The following MACROD2 variants were observed in gnomAD, a reference collection of about 807,000 sequenced individuals.
MACROD2 encodes ADP-ribose glycohydrolase MACROD2.
In MACROD2, 36 loss-of-function variants were observed where a neutral mutation model predicts 70.4. The ratio of observed to expected loss-of-function variants is 0.51; its 90% CI spans 0.39 to 0.68. The LOEUF (loss-of-function observed/expected upper bound fraction) is 0.68. Among genes scored for constraint, MACROD2 ranks in the 30% least tolerant of loss-of-function variants. MACROD2 has a pLI of 0.00. For synonymous variants in MACROD2, 172 were observed against 178.8 expected (o/e 0.96, Z 0.30); for missense variants, 496 against 538.4 (o/e 0.92, Z 0.78).
intron 2 of MACROD2, among the ~76,000 whole-genome samples, chr20:14,040,111 C>A (rs537035718): frequency 1.2e-4 from 18 of 152,164 alleles, no homozygotes; most frequent in Non-Finnish European, 2.6e-4. Context: ...GTGTTGCCAA[C>A]AACAGGGATA....
chr20:15,998,040 G>A (rs1176182042), intron 15 of MACROD2, among the ~76,000 whole-genome samples: 2 of 152,142 alleles, frequency 1.3e-5, no homozygotes, highest in African/African-American at 4.8e-5. Flanking sequence ...AATTCCAGGT[G>A]TAAATCCCTC....
At chr20:15,032,263 T>C (rs6034089) in intron 5 of MACROD2, among the ~76,000 whole-genome samples, 17,718 of 152,190 alleles carry the variant, frequency 0.12, 2,846 homozygotes, top group African/African-American at 0.37. Flanking sequence ...CAGCTCCACC[T>C]GGGAACTCAG....
chr20:15,972,950 C>T (rs2043840464), intron 13 of MACROD2, among the ~76,000 whole-genome samples: 1 of 151,932 alleles, frequency 6.6e-6, no homozygotes, highest in Non-Finnish European at 1.5e-5. Context: ...ATTATATAAT[C>T]TCATATATCA....
chr20:15,033,898 G>A (rs143937802), intron 5 of MACROD2, among the ~76,000 whole-genome samples: 1 of 152,270 alleles, frequency 6.6e-6, no homozygotes, highest in Non-Finnish European at 1.5e-5. Context: ...TTAAAAGGTG[G>A]GTAGGGTGTT....
intron 8 of MACROD2, among the ~76,000 whole-genome samples, chr20:15,503,526 A>T (rs199548168): frequency 4.6e-5 from 7 of 152,290 alleles, no homozygotes; most frequent in East Asian, 3.9e-4. Context: ...CTACATTCTT[A>T]AAAAAAGTCT....
intron 3 of MACROD2, among the ~76,000 whole-genome samples, chr20:14,181,090 G>A (rs2081301675): frequency 6.7e-6 from 1 of 148,772 alleles, no homozygotes; most frequent in Non-Finnish European, 1.5e-5. Context: ...TTTTTAGACA[G>A]GGTCTCTCTC....
At chr20:14,581,479 AT>A (rs1469594884) in intron 4 of MACROD2, among the ~76,000 whole-genome samples, 5 of 152,212 alleles carry the variant, frequency 3.3e-5, no homozygotes, top group African/African-American at 1.2e-4. Context: ...ACACTGTAGC[AT>A]GACTTCCTTA....
intron 2 of MACROD2, among the ~76,000 whole-genome samples, chr20:14,028,809 G>T (rs1176115550): frequency 6.6e-6 from 1 of 152,144 alleles, no homozygotes; most frequent in African/African-American, 2.4e-5. Context: ...AACCGTCATT[G>T]ATCTCGCTGG....
intron 3 of MACROD2, among the ~76,000 whole-genome samples, chr20:14,464,425 T>C (rs1435464177): frequency 6.6e-6 from 1 of 152,078 alleles, no homozygotes; most frequent in Non-Finnish European, 1.5e-5. Context: ...TCTTCTCTCT[T>C]TTCTTCTTTA....
At chr20:14,417,092 T>C (rs1353377207) in intron 3 of MACROD2, among the ~76,000 whole-genome samples, 1 of 147,284 alleles carries the variant, frequency 6.8e-6, no homozygotes, top group Non-Finnish European at 1.5e-5. Context: ...TATCTATCTA[T>C]CTATCTATCT....
Position 15,713,987 on chromosome 20 carries a change from G to GCACACACA in MACROD2, c.646-148720_646-148713dup, listed in dbSNP as rs3071356. ...TGTTCTAGTAAACACACACACATAT[G>GCACACACA]CACACACACACACACACACACACAC... On this transcript the variant is annotated intron_variant, in intron 8 of 17. Coordinates refer to ENST00000684519, the MANE Select transcript of MACROD2 (RefSeq NM_001351661.2). 6.9e-3 allele frequency among the ~76,000 whole-genome samples: 809 copies of GCACACACA among 117,756 alleles called. 7 individuals carry two copies. Among genetic ancestry groups the GCACACACA allele is most frequent in the East Asian group, 0.018 (71 of 4,018 alleles). 77.3% of individuals were successfully genotyped at this position (117,756 alleles called of 152,430 possible).
intron 5 of MACROD2, among the ~76,000 whole-genome samples, chr20:15,161,158 G>A (rs2076345630): frequency 6.6e-6 from 1 of 151,926 alleles, no homozygotes; most frequent in African/African-American, 2.4e-5. Flanking sequence ...TATACAATGG[G>A]ACTAATCTTC....
At chr20:15,314,188 A>C (rs1373631073) in intron 6 of MACROD2, among the ~76,000 whole-genome samples, 2 of 152,208 alleles carry the variant, frequency 1.3e-5, no homozygotes, top group East Asian at 3.9e-4. Context: ...GAAACCAAGA[A>C]ATCAAGTAAA....
chr20:15,537,467 C>CTTTTTT (rs35857138), intron 8 of MACROD2, among the ~76,000 whole-genome samples: 6 of 89,930 alleles, frequency 6.7e-5, no homozygotes, highest in African/African-American at 1.4e-4. Flanking sequence ...TCCCACTCAT[C>CTTTTTT]TTTTTTTTTT....
chr20:15,255,269 T>C (rs1386972614), intron 6 of MACROD2, among the ~76,000 whole-genome samples: 1 of 152,140 alleles, frequency 6.6e-6, no homozygotes, highest in Non-Finnish European at 1.5e-5. Flanking sequence ...AGGGATATCA[T>C]TGACCTAGTC....
At chr20:14,766,819 A>G (rs544353596) in intron 5 of MACROD2, among the ~76,000 whole-genome samples, 2 of 152,250 alleles carry the variant, frequency 1.3e-5, no homozygotes, top group East Asian at 3.9e-4. Flanking sequence ...AGAAGGCAAG[A>G]TCTCTTTTTT....
At chr20:15,080,123 TA>T (rs1359960649) in intron 5 of MACROD2, among the ~76,000 whole-genome samples, 1 of 113,528 alleles carries the variant, frequency 8.8e-6, no homozygotes, top group Non-Finnish European at 1.8e-5. Context: ...GCCAAATAAA[TA>T]AATAAATAAA....
At chr20:15,998,532 T>C (rs2066663461) in intron 15 of MACROD2, among the ~76,000 whole-genome samples, 1 of 151,866 alleles carries the variant, frequency 6.6e-6, no homozygotes, top group African/African-American at 2.4e-5. Context: ...ACATCACTGT[T>C]TCATTTATAG....
chr20:14,858,279 C>T (rs960467144), intron 5 of MACROD2, among the ~76,000 whole-genome samples: 1 of 151,980 alleles, frequency 6.6e-6, no homozygotes, highest in East Asian at 1.9e-4. Context: ...GTGGTTAACC[C>T]GATGCAGGAG....
Sources: gnomAD v4.1 joint callset for allele counts (sites outside exome capture counted in the v4.1 genomes callset) on GRCh38, gnomAD v4.1.1 for gene constraint, MANE v1.5 for transcripts, NCBI Gene and HGNC (gene_info 2026-07-23, HGNC 2026-07-21) for gene names.